The following PCNX2 variants were observed in gnomAD, a reference collection of about 807,000 sequenced individuals.
The protein encoded by PCNX2 is pecanex 2, also known as pecanex-like protein 2.
A neutral mutation model predicts 223.8 loss-of-function variants in PCNX2; 168 were observed. The observed-to-expected ratio is 0.75, with a 90% CI of 0.66 to 0.85. The LOEUF (loss-of-function observed/expected upper bound fraction) is 0.85. PCNX2 is among the 40% of genes least tolerant of loss of function. The pLI, the probability that PCNX2 is intolerant of heterozygous loss-of-function variation, is 0.00. For synonymous variants in PCNX2, 1,006 were observed against 1,052.6 expected (o/e 0.96, Z 0.86); for missense variants, 2,507 against 2,675.5 (o/e 0.94, Z 1.39).
intron 27 of PCNX2, 87 bp downstream of exon 27, chr1:233,016,834 T>G (rs750620808): frequency 2.6e-6 from 4 of 1,522,396 alleles, no homozygotes; most frequent in Non-Finnish European, 3.6e-6. Context: ...AAGTCTACCA[T>G]AGAATATAAG....
At chr1:233,302,318 TAA>T in the PCNX2 span, among the ~76,000 whole-genome samples, 6 of 151,998 alleles carry the variant, frequency 3.9e-5, no homozygotes, top group Non-Finnish European at 7.3e-5. Flanking sequence ...TTTATTGGTA[TAA>T]AGTTTGTCAT....
chr1:233,295,923 T>C (rs12407520), upstream of PCNX2, among the ~76,000 whole-genome samples: 1 of 86,428 alleles, frequency 1.2e-5, no homozygotes, highest in Non-Finnish European at 3.3e-5. The surrounding 1 kb of genome is among the most constrained non-coding windows in gnomAD (Gnocchi z 4.1). Context: ...TCCCTCCCTC[T>C]CTCTCTCTTT....
In PCNX2 at chr1:233,049,862, GACACAC is replaced by G. The variant is rs59343612; in HGVS notation, c.4351+4400_4351+4405del. 5.4e-4 allele frequency among the ~76,000 whole-genome samples: 80 copies of G among 149,304 alleles called. 1 individual carries two copies. The highest frequency in any genetic ancestry group is 1.8e-3 in the African/African-American group (75 of 40,980). On this transcript the variant is annotated intron_variant, in intron 25 of 33. Coordinates refer to ENST00000258229, the MANE Select transcript of PCNX2 (RefSeq NM_014801.4). The stretch of plus-strand genomic sequence containing the variant: ...AAAAAACACAATCTCATTTACAATA[GACACAC>G]ACACACACACACACACACAAATACC...
At chr1:233,050,214 G>T (rs371471066) in intron 25 of PCNX2, among the ~76,000 whole-genome samples, 87 of 152,010 alleles carry the variant, frequency 5.7e-4, no homozygotes, top group African/African-American at 2.0e-3. Context: ...TTCTGCACAT[G>T]TATCCCAGAA....
chr1:233,128,970 G>A (rs573408497), intron 21 of PCNX2, among the ~76,000 whole-genome samples: 7 of 152,340 alleles, frequency 4.6e-5, no homozygotes, highest in African/African-American at 1.7e-4. Flanking sequence ...CAGTGTGCTG[G>A]CAGCCCTCGC....
At chr1:233,108,888 C>G (rs1006731756) in intron 21 of PCNX2, among the ~76,000 whole-genome samples, 1 of 152,030 alleles carries the variant, frequency 6.6e-6, no homozygotes, top group Non-Finnish European at 1.5e-5. Flanking sequence ...CCTCCGTGTC[C>G]CACCCCCTGC....
At chr1:233,261,381 C>G in intron 3 of PCNX2, 60 bp from the exon 4 acceptor site, 4 of 1,509,618 alleles carry the variant, frequency 2.6e-6, no homozygotes, top group Non-Finnish European at 3.7e-6. Flanking sequence ...CATTTCCAGA[C>G]AGTCGGCAAT....
At chr1:233,202,234 G>C (rs1484798843) in intron 13 of PCNX2, 1 of 468,046 alleles carries the variant, frequency 2.1e-6, no homozygotes, top group Non-Finnish European at 4.4e-6. Context: ...AGTCTTTGTG[G>C]CTGTTCATAA....
chr1:233,263,429 G>T (rs1039159843), intron 1 of PCNX2, among the ~76,000 whole-genome samples: 5 of 149,274 alleles, frequency 3.3e-5, no homozygotes, highest in Non-Finnish European at 7.4e-5. Context: ...CAGAACAAAA[G>T]ATATATTCGA....
At chr1:233,066,803 G>A (rs1321663633) in intron 23 of PCNX2, among the ~76,000 whole-genome samples, 1 of 152,154 alleles carries the variant, frequency 6.6e-6, no homozygotes, top group African/African-American at 2.4e-5. Flanking sequence ...ATAATGAGGT[G>A]CCTCTTCCCC....
intron 1 of PCNX2, among the ~76,000 whole-genome samples, chr1:233,265,169 G>A (rs1660262348): frequency 6.6e-6 from 1 of 151,632 alleles, no homozygotes; most frequent in African/African-American, 2.4e-5. Context: ...CTTGAGCCTA[G>A]GAGTTCAAGT....
intron 21 of PCNX2, among the ~76,000 whole-genome samples, chr1:233,130,783 C>T (rs189938881): frequency 1.8e-4 from 26 of 148,218 alleles, no homozygotes; most frequent in African/African-American, 6.4e-4. Flanking sequence ...GTGCCCGGCA[C>T]CCCCCCCTTT....
chr1:233,228,077 T>C (rs888852580), intron 9 of PCNX2, among the ~76,000 whole-genome samples: 1 of 152,210 alleles, frequency 6.6e-6, no homozygotes, highest in East Asian at 1.9e-4. Flanking sequence ...CAGTTTTCCA[T>C]GTAGTCCCCC....
rs1025039011 is a variant in PCNX2, at chr1:233,263,051, T to G, written c.266A>C (p.Glu89Ala). The G allele has an allele frequency of 4.3e-6, 7 of 1,613,808 alleles. No homozygotes were observed. The highest frequency in any genetic ancestry group is 5.1e-6 in the Non-Finnish European group (6 of 1,179,818). The change falls in exon 2 of 34, where the codon GAA becomes GCA. Residue 89 changes from glutamate (E) to alanine (A), a missense_variant. Glu to Ala is a moderately radical substitution (Grantham distance 107). Transcript: ENST00000258229. Reference protein sequence around the residue: ...YRLHLMFDKGEVIQQKPSRKE... With the variant: ...YRLHLMFDKGAVIQQKPSRKE... ...TCTGGAGGGCTTTTGCTGAATTACT[T>G]CTCCTTTGTCAAACATGAGGTGTAG... is the stretch of plus-strand genomic sequence containing the variant.
intron 13 of PCNX2, among the ~76,000 whole-genome samples, chr1:233,204,618 C>A (rs1200617737): frequency 2.6e-5 from 4 of 152,212 alleles, no homozygotes; most frequent in Non-Finnish European, 5.9e-5. Context: ...TGTGTTCCCA[C>A]GTAAAGTCAG....
At chr1:233,291,090 T>A (rs1209802450) in intron 1 of PCNX2, 1 of 985,290 alleles carries the variant, frequency 1.0e-6, no homozygotes, top group Non-Finnish European at 1.2e-6. Flanking sequence ...ATATGTAGTA[T>A]GTCAGGCAGC....
chr1:232,988,760 G>A (rs1322083114), intron 32 of PCNX2, among the ~76,000 whole-genome samples: 1 of 152,164 alleles, frequency 6.6e-6, no homozygotes, highest in Non-Finnish European at 1.5e-5. Flanking sequence ...CTGCTCACCA[G>A]TAAGTAGGTC....
intron 5 of PCNX2, among the ~76,000 whole-genome samples, chr1:233,255,258 T>A (rs1659669652): frequency 6.6e-6 from 1 of 152,132 alleles, no homozygotes; most frequent in African/African-American, 2.4e-5. Context: ...GCTTCCAACT[T>A]AGGACCACCC....
At chr1:233,256,011 C>T (rs1398828563) in intron 5 of PCNX2, among the ~76,000 whole-genome samples, 1 of 152,118 alleles carries the variant, frequency 6.6e-6, no homozygotes, top group Admixed American at 6.5e-5. Context: ...AATTAAAATC[C>T]TCTGTCCTTT....
Sources: gnomAD v4.1 joint callset for allele counts (sites outside exome capture counted in the v4.1 genomes callset) on GRCh38, gnomAD v4.1.1 for gene constraint, Gnocchi (gnomAD v3.1) non-coding constraint, MANE v1.5 for transcripts, NCBI Gene and HGNC (gene_info 2026-07-23, HGNC 2026-07-21) for gene names.